Variants in SLC24A3 observed in about 807,000 individuals in gnomAD.
SLC24A3 encodes the protein solute carrier family 24 member 3.
In SLC24A3, 28 loss-of-function variants were observed where a neutral mutation model predicts 75.8. That is an observed-to-expected ratio of 0.37 (90% CI 0.27 to 0.51). The LOEUF is 0.51. Among genes scored for constraint, SLC24A3 ranks in the 20% least tolerant of loss-of-function variants. SLC24A3 has a pLI of 0.94. For synonymous variants in SLC24A3, 372 were observed against 334.1 expected, an observed-to-expected ratio of 1.11 and a Z score of -1.24; for missense variants, 663 against 847.8, an observed-to-expected ratio of 0.78 and a Z score of 2.71.
chr20:19,216,116 T>C (rs1981545437), intron 1 of SLC24A3, among the ~76,000 whole-genome samples: 8 of 152,230 alleles, frequency 5.3e-5, no homozygotes, highest in Admixed American at 5.2e-4. Context: ...AGTTGCCCTA[T>C]TTAGTTGTTA....
At chr20:19,214,673 G>T (rs562197122) in intron 1 of SLC24A3, among the ~76,000 whole-genome samples, 1 of 152,102 alleles carries the variant, frequency 6.6e-6, no homozygotes, top group East Asian at 1.9e-4. Context: ...CTGGGATTTG[G>T]GAGGAGAGGA....
intron 2 of SLC24A3, among the ~76,000 whole-genome samples, chr20:19,503,935 AT>A (rs1988425242): frequency 6.6e-6 from 1 of 152,214 alleles, no homozygotes; most frequent in Admixed American, 6.5e-5. Flanking sequence ...AGGAATCACT[AT>A]TACCAGGACC....
intron 2 of SLC24A3, among the ~76,000 whole-genome samples, chr20:19,500,021 G>A (rs941308552): frequency 1.3e-5 from 2 of 152,136 alleles, no homozygotes; most frequent in African/African-American, 4.8e-5. Context: ...GCTGAAGAAC[G>A]ACATGGTGGA....
intron 4 of SLC24A3, 122 bp from the exon 5 acceptor site, chr20:19,584,849 G>A (rs986657029): frequency 2.1e-5 from 17 of 799,360 alleles, no homozygotes; most frequent in Non-Finnish European, 3.0e-5. Context: ...GGTCCCATCG[G>A]TCCTACTCTC....
intron 3 of SLC24A3, among the ~76,000 whole-genome samples, chr20:19,525,359 G>A (rs1210262708): frequency 6.6e-6 from 1 of 152,152 alleles, no homozygotes; most frequent in South Asian, 2.1e-4. Flanking sequence ...CTCAGACAAG[G>A]AGGCCAGGGC....
chr20:19,478,059 C>T (rs1987990979), intron 2 of SLC24A3, among the ~76,000 whole-genome samples: 1 of 152,184 alleles, frequency 6.6e-6, no homozygotes, highest in Non-Finnish European at 1.5e-5. Flanking sequence ...CAGTCATTCT[C>T]ATTTATTGCC....
intron 2 of SLC24A3, chr20:19,283,020 G>T (rs959560159): frequency 6.6e-6 from 1 of 152,660 alleles, no homozygotes; most frequent in Admixed American, 6.5e-5. Flanking sequence ...ACAGGGAAAG[G>T]GAGGAGAGGA....
rs752692467 is a variant in SLC24A3, at chr20:19,655,985, G to T, written c.687+1849G>T. 7.0e-4 allele frequency among the ~76,000 whole-genome samples: 106 copies of T among 152,018 alleles called. 1 individual carries two copies. The highest frequency in any genetic ancestry group is 1.6e-4 in the Non-Finnish European group (11 of 68,008). ...CAGCCCTCACTGGCTCTCATGACCT[G>T]GGAGAAATCAATCTCTCTAGGTTTC... On this transcript the variant is annotated intron_variant, in intron 7 of 16. Transcript: ENST00000328041.
chr20:19,339,624 C>T (rs938896564), intron 2 of SLC24A3, among the ~76,000 whole-genome samples: 13 of 152,214 alleles, frequency 8.5e-5, no homozygotes, highest in Admixed American at 2.0e-4. Context: ...GATACCACCC[C>T]GATCTACCTG....
intron 3 of SLC24A3, among the ~76,000 whole-genome samples, chr20:19,556,083 T>C (rs1432656336): frequency 3.3e-5 from 5 of 152,142 alleles, no homozygotes; most frequent in African/African-American, 1.2e-4. Context: ...GGCAGCTCTC[T>C]GGGGCCTCTT....
intron 2 of SLC24A3, among the ~76,000 whole-genome samples, chr20:19,456,390 A>G (rs924348709): frequency 1.3e-5 from 2 of 152,240 alleles, no homozygotes; most frequent in African/African-American, 4.8e-5. Flanking sequence ...AATAAGTCTC[A>G]TGAGATCTGA....
At chr20:19,237,301 G>A (rs777149241) in intron 1 of SLC24A3, among the ~76,000 whole-genome samples, 156 of 151,536 alleles carry the variant, frequency 1.0e-3, no homozygotes, top group Non-Finnish European at 1.1e-3. Flanking sequence ...TGGCGGGGTC[G>A]TGCATCTGGA....
chr20:19,605,154 C>T (rs1390804677), intron 6 of SLC24A3, among the ~76,000 whole-genome samples: 1 of 152,214 alleles, frequency 6.6e-6, no homozygotes, highest in African/African-American at 2.4e-5. Context: ...ATTTGGGAAA[C>T]TCCCAGAGAG....
intron 3 of SLC24A3, among the ~76,000 whole-genome samples, chr20:19,556,751 C>T (rs1568655168): frequency 1.3e-5 from 2 of 152,072 alleles, no homozygotes; most frequent in African/African-American, 4.8e-5. Flanking sequence ...TCTTAATGCA[C>T]AGACAGGACT....
intron 6 of SLC24A3, among the ~76,000 whole-genome samples, chr20:19,618,155 C>G (rs557643910): frequency 1.4e-4 from 21 of 152,102 alleles, no homozygotes; most frequent in Non-Finnish European, 3.1e-4. Flanking sequence ...AGTGGGGAGC[C>G]CACTTTCCAG....
chr20:19,639,704 CG>C (rs1399817478), intron 6 of SLC24A3, among the ~76,000 whole-genome samples: 1 of 152,202 alleles, frequency 6.6e-6, no homozygotes, highest in Non-Finnish European at 1.5e-5. Flanking sequence ...GGGGAGGCTC[CG>C]GCCGCACAGG....
At chr20:19,453,970 A>G (rs999730381) in intron 2 of SLC24A3, among the ~76,000 whole-genome samples, 3 of 152,240 alleles carry the variant, frequency 2.0e-5, no homozygotes, top group African/African-American at 2.4e-5. Flanking sequence ...CAGCGCCAAC[A>G]CTGCTGACAG....
chr20:19,297,351 T>C (rs1475482624), intron 2 of SLC24A3, among the ~76,000 whole-genome samples: 2 of 152,212 alleles, frequency 1.3e-5, no homozygotes, highest in Non-Finnish European at 2.9e-5. Flanking sequence ...AGTAAACCTT[T>C]GCCCCCTGCC....
intron 3 of SLC24A3, among the ~76,000 whole-genome samples, chr20:19,525,410 A>G (rs758489154): frequency 6.6e-6 from 1 of 152,046 alleles, no homozygotes; most frequent in African/African-American, 2.4e-5. Context: ...CACTATGGGG[A>G]GTGAGGTAGA....
Sources: gnomAD v4.1 joint callset for allele counts (sites outside exome capture counted in the v4.1 genomes callset) on GRCh38, gnomAD v4.1.1 for gene constraint, MANE v1.5 for transcripts, NCBI Gene and HGNC (gene_info 2026-07-23, HGNC 2026-07-21) for gene names.